Variants in PDE4B observed in about 807,000 individuals in gnomAD.
PDE4B encodes the protein 3',5'-cyclic-AMP phosphodiesterase 4B.
In PDE4B, 20 loss-of-function variants were observed where a neutral mutation model predicts 82.2. The ratio of observed to expected loss-of-function variants is 0.24; its 90% CI spans 0.17 to 0.35. The LOEUF (loss-of-function observed/expected upper bound fraction) is 0.35. Among genes scored for constraint, PDE4B ranks in the 10% least tolerant of loss-of-function variants. PDE4B has a pLI of 1.00. For synonymous variants in PDE4B, 320 were observed against 318.9 expected, an observed-to-expected ratio of 1.00 and a Z score of -0.04; for missense variants, 655 against 907.2, an observed-to-expected ratio of 0.72 and a Z score of 3.57.
At chr1:65,830,531 A>T (rs1646070630) in intron 1 of PDE4B, among the ~76,000 whole-genome samples, 1 of 152,242 alleles carries the variant, frequency 6.6e-6, no homozygotes. Flanking sequence ...GATGAGAAGC[A>T]CACTTCAACT....
chr1:66,164,136 A>C (rs1646672123), intron 3 of PDE4B, among the ~76,000 whole-genome samples: 1 of 152,160 alleles, frequency 6.6e-6, no homozygotes, highest in African/African-American at 2.4e-5. Flanking sequence ...AGATAGCAAA[A>C]AGAGAGCCAT....
chr1:66,323,710 T>C (rs530977781), intron 7 of PDE4B, among the ~76,000 whole-genome samples: 75 of 152,182 alleles, frequency 4.9e-4, no homozygotes, highest in Non-Finnish European at 9.4e-4. Flanking sequence ...CTATTATTAT[T>C]CTCATTACAC....
At chr1:66,355,767 C>CA in intron 9 of PDE4B, 147 bp downstream of exon 9, 3 of 440,060 alleles carry the variant, frequency 6.8e-6, no homozygotes, top group Admixed American at 3.9e-5. Flanking sequence ...GGCCAGTCTT[C>CA]AAAAGAAAAA....
intron 3 of PDE4B, among the ~76,000 whole-genome samples, chr1:66,209,608 C>G (rs1649862028): frequency 6.6e-6 from 1 of 152,134 alleles, no homozygotes; most frequent in Admixed American, 6.5e-5. Context: ...TGTATATACC[C>G]TTGTAGCTAC....
intron 3 of PDE4B, among the ~76,000 whole-genome samples, chr1:66,103,964 T>C (rs1383446336): frequency 6.6e-6 from 1 of 152,038 alleles, no homozygotes; most frequent in Admixed American, 6.6e-5. Flanking sequence ...ATACTTTAAG[T>C]TTTAGGTTAC....
chr1:65,943,065 A>G (rs1648528994), intron 3 of PDE4B, among the ~76,000 whole-genome samples: 1 of 151,762 alleles, frequency 6.6e-6, no homozygotes, highest in Non-Finnish European at 1.5e-5. Context: ...TTTCAGGTTT[A>G]TACCTAAAAA....
intron 3 of PDE4B, among the ~76,000 whole-genome samples, chr1:66,222,149 T>A (rs113274400): frequency 6.6e-6 from 1 of 152,182 alleles, no homozygotes; most frequent in Non-Finnish European, 1.5e-5. Context: ...GCCAGCCATC[T>A]GGCCAGATGT....
chr1:66,144,997 G>A (rs2101162567), intron 3 of PDE4B, among the ~76,000 whole-genome samples: 1 of 152,330 alleles, frequency 6.6e-6, no homozygotes, highest in Admixed American at 6.5e-5. Flanking sequence ...ATAGTAGAAT[G>A]GACTGATGTG....
intron 3 of PDE4B, among the ~76,000 whole-genome samples, chr1:66,098,121 A>G (rs938818370): frequency 2.0e-5 from 3 of 152,096 alleles, no homozygotes; most frequent in Non-Finnish European, 4.4e-5. Flanking sequence ...GTTCAGAGTC[A>G]GGTTCTTTCT....
Position 66,277,112 on chromosome 1 carries a change from A to T in PDE4B, c.634+11025A>T, listed in dbSNP as rs1435775166. ...CTATAAATAAATGACTTTAAACTGG[A>T]GTCCTGAACACTGAGTAGCTGGGGT... On this transcript the variant is annotated intron_variant, in intron 7 of 16. Transcript: ENST00000341517. Among the ~76,000 whole-genome samples the T allele has an allele frequency of 2.0e-5, 3 of 152,140 alleles. No individual in the cohort carries two copies. The East Asian group carries it at 5.8e-4, about 29-fold the overall frequency.
At chr1:65,808,521 A>G (rs2101188294) in intron 1 of PDE4B, among the ~76,000 whole-genome samples, 1 of 152,376 alleles carries the variant, frequency 6.6e-6, no homozygotes, top group East Asian at 1.9e-4. Flanking sequence ...GTGAGGGAAT[A>G]GTAAGTCTAG....
intron 3 of PDE4B, among the ~76,000 whole-genome samples, chr1:65,981,076 G>A (rs181267614): frequency 6.6e-6 from 1 of 152,152 alleles, no homozygotes; most frequent in East Asian, 1.9e-4. Flanking sequence ...GACCTGGGAG[G>A]CCCCAAAATA....
chr1:66,056,176 G>A (rs1655281309), intron 3 of PDE4B, among the ~76,000 whole-genome samples: 1 of 152,092 alleles, frequency 6.6e-6, no homozygotes, highest in African/African-American at 2.4e-5. Context: ...AGAAATAGCT[G>A]GGAAAAATAG....
intron 1 of PDE4B, among the ~76,000 whole-genome samples, chr1:65,832,105 T>G (rs1299838226): frequency 3.3e-5 from 5 of 152,160 alleles, no homozygotes. Context: ...TGATGTTGCT[T>G]ATGAAATCTT....
At chr1:66,144,346 A>C (rs524208) in intron 3 of PDE4B, among the ~76,000 whole-genome samples, 42,133 of 152,162 alleles carry the variant, frequency 0.28, 6,881 homozygotes, top group Middle Eastern at 0.43. Context: ...CCCTTCAGGA[A>C]GCACATGATC....
intron 3 of PDE4B, among the ~76,000 whole-genome samples, chr1:66,038,274 G>T (rs563598379): frequency 6.6e-6 from 1 of 152,228 alleles, no homozygotes; most frequent in South Asian, 2.1e-4. Context: ...ACAACATGAA[G>T]TATAACTGTA....
Position 66,367,959 on chromosome 1 carries a change from T to A in PDE4B, c.1556T>A (p.Met519Lys). The change falls in exon 15 of 17, where the codon ATG becomes AAG. Residue 519 changes from methionine (M) to lysine (K), a missense_variant. By Grantham distance (95) the Met-to-Lys change is moderately conservative (BLOSUM62 -1). Transcript: ENST00000341517. The stretch of plus-strand genomic sequence containing the variant: ...TTACCCAAGGTGTTAGCAACTGATA[T>A]GTCTAAACATATGAGCCTGCTGGCA... ...MVIDMVLATD[M>K]SKHMSLLADL... 1 of 1,613,792 alleles carries A rather than the reference T, an allele frequency of 6.2e-7. No homozygotes were observed. Among genetic ancestry groups the A allele is most frequent in the Non-Finnish European group, 8.5e-7 (1 of 1,179,782 alleles).
At chr1:66,058,215 A>G (rs1225837661) in intron 3 of PDE4B, among the ~76,000 whole-genome samples, 2 of 152,244 alleles carry the variant, frequency 1.3e-5, no homozygotes, top group African/African-American at 4.8e-5. Context: ...CATCCAGGTC[A>G]TGCTGATGGA....
intron 7 of PDE4B, chr1:66,267,574 A>G (rs561504485): frequency 1.5e-4 from 23 of 152,332 alleles, no homozygotes; most frequent in African/African-American, 5.3e-4. Context: ...GGTTGGAAAG[A>G]TCCTTTTGTG....
Sources: gnomAD v4.1 joint callset for allele counts (sites outside exome capture counted in the v4.1 genomes callset) on GRCh38, gnomAD v4.1.1 for gene constraint, MANE v1.5 for transcripts, NCBI Gene and HGNC (gene_info 2026-07-23, HGNC 2026-07-21) for gene names.